The following CNTN1 variants were observed in gnomAD, a reference collection of about 807,000 sequenced individuals.
CNTN1 encodes the protein contactin-1.
In CNTN1, 38 loss-of-function variants were observed where a neutral mutation model predicts 126.4. The ratio of observed to expected loss-of-function variants is 0.30; its 90% confidence interval spans 0.23 to 0.39. The LOEUF is 0.39. Among genes scored for constraint, CNTN1 ranks in the 10% least tolerant of loss-of-function variants. The pLI is 1.00. For synonymous variants in CNTN1, 413 were observed against 422.6 expected (o/e 0.98, Z 0.28); for missense variants, 1,009 against 1,248.4 (o/e 0.81, Z 2.89).
At chr12:40,878,475 AC>A (rs1169905468) in intron 1 of CNTN1, among the ~76,000 whole-genome samples, 1 of 152,194 alleles carries the variant, frequency 6.6e-6, no homozygotes, top group Non-Finnish European at 1.5e-5. Flanking sequence ...CAAATGACTG[AC>A]ATGTTCAATT....
intron 1 of CNTN1, among the ~76,000 whole-genome samples, chr12:40,814,986 C>T (rs1419213863): frequency 2.0e-5 from 3 of 151,896 alleles, no homozygotes; most frequent in Admixed American, 6.6e-5. Flanking sequence ...CATGATTTGG[C>T]TCTCTGTTGG....
At chr12:40,864,023 T>G (rs1306329219) in intron 1 of CNTN1, among the ~76,000 whole-genome samples, 2 of 140,618 alleles carry the variant, frequency 1.4e-5, no homozygotes, top group Non-Finnish European at 3.1e-5. Flanking sequence ...GCTTTCCTTT[T>G]TTTTTTTTTT....
intron 1 of CNTN1, among the ~76,000 whole-genome samples, chr12:40,848,455 A>G (rs1942597299): frequency 6.6e-6 from 1 of 152,178 alleles, no homozygotes; most frequent in Non-Finnish European, 1.5e-5. Flanking sequence ...TTTTGGAAGT[A>G]TTAGTGTTTA....
At chr12:40,988,917 A>T (rs1243522132) in intron 16 of CNTN1, among the ~76,000 whole-genome samples, 1 of 152,210 alleles carries the variant, frequency 6.6e-6, no homozygotes, top group East Asian at 1.9e-4. Flanking sequence ...CTGACTCAGA[A>T]CTGACCCGGT....
chr12:40,995,581 A>G (rs984398304), intron 17 of CNTN1, among the ~76,000 whole-genome samples: 58 of 152,018 alleles, frequency 3.8e-4, no homozygotes, highest in African/African-American at 1.4e-3. Context: ...CACCTCTTAC[A>G]TTTTCTCAAA....
At chr12:40,732,373 A>G (rs1942522121) in intron 1 of CNTN1, among the ~76,000 whole-genome samples, 1 of 152,084 alleles carries the variant, frequency 6.6e-6, no homozygotes, top group Admixed American at 6.6e-5. Flanking sequence ...TTTGGAACAG[A>G]ACTGCAGCAT....
At chr12:40,762,854 T>C (rs1938918561) in intron 1 of CNTN1, among the ~76,000 whole-genome samples, 1 of 152,098 alleles carries the variant, frequency 6.6e-6, no homozygotes, top group Admixed American at 6.6e-5. Context: ...GTGAAATGGG[T>C]GCTCTGAAAT....
At chr12:40,822,310 A>G (rs928503678) in intron 1 of CNTN1, among the ~76,000 whole-genome samples, 3 of 151,796 alleles carry the variant, frequency 2.0e-5, no homozygotes, top group African/African-American at 7.3e-5. Flanking sequence ...GCCCGACACC[A>G]TGCCCGGCTA....
At chr12:40,899,750 C>A (rs1049557965) in intron 1 of CNTN1, among the ~76,000 whole-genome samples, 1 of 152,068 alleles carries the variant, frequency 6.6e-6, no homozygotes, top group African/African-American at 2.4e-5. Context: ...AATATTAAGA[C>A]TATTCTTCAA....
intron 10 of CNTN1, 74 bp downstream of exon 10, chr12:40,936,979 T>C: frequency 1.9e-6 from 3 of 1,590,906 alleles, no homozygotes; most frequent in East Asian, 4.5e-5. Flanking sequence ...CTGGGATAAA[T>C]TTAGCAGGAG....
chr12:40,946,954 T>G (rs1292359643), intron 14 of CNTN1, among the ~76,000 whole-genome samples: 3 of 151,992 alleles, frequency 2.0e-5, no homozygotes, highest in African/African-American at 7.2e-5. Context: ...AATGTCTTCT[T>G]TATATTTTTT....
At chr12:40,848,822 T>A (rs1292382483) in intron 1 of CNTN1, among the ~76,000 whole-genome samples, 3 of 105,852 alleles carry the variant, frequency 2.8e-5, no homozygotes, top group Non-Finnish European at 5.9e-5. Context: ...GGGCACCAGG[T>A]GTGTTTTTTT....
chr12:40,743,609 G>A (rs1328044717), intron 1 of CNTN1, among the ~76,000 whole-genome samples: 1 of 152,014 alleles, frequency 6.6e-6, no homozygotes, highest in Non-Finnish European at 1.5e-5. Context: ...CTTTTGAGAA[G>A]TGTTTGTTTA....
intron 1 of CNTN1, among the ~76,000 whole-genome samples, chr12:40,762,898 T>C (rs1434563909): frequency 6.6e-6 from 1 of 152,180 alleles, no homozygotes; most frequent in Non-Finnish European, 1.5e-5. Flanking sequence ...CCCCTCCAAA[T>C]CTCATGTTGA....
chr12:40,995,395 G>A (rs541243119), intron 17 of CNTN1, among the ~76,000 whole-genome samples: 3 of 151,954 alleles, frequency 2.0e-5, no homozygotes, highest in East Asian at 3.9e-4. Flanking sequence ...GCTCAGAGAG[G>A]CTACATTTTT....
chr12:40,732,565 C>G (rs1321861126), intron 1 of CNTN1, among the ~76,000 whole-genome samples: 1 of 151,986 alleles, frequency 6.6e-6, no homozygotes, highest in African/African-American at 2.4e-5. Context: ...GTTTTCTCCT[C>G]TAGTGCATAG....
intron 1 of CNTN1, among the ~76,000 whole-genome samples, chr12:40,795,520 A>T (rs1940395508): frequency 6.6e-6 from 1 of 151,740 alleles, no homozygotes; most frequent in African/African-American, 2.4e-5. Flanking sequence ...TAGAATATTT[A>T]AAATATATGT....
intron 15 of CNTN1, among the ~76,000 whole-genome samples, chr12:40,969,515 G>C (rs1203407308): frequency 6.6e-6 from 1 of 152,128 alleles, no homozygotes; most frequent in African/African-American, 2.4e-5. Context: ...TCTTTTCTCT[G>C]CCAGAGTGCT....
intron 1 of CNTN1, among the ~76,000 whole-genome samples, chr12:40,805,744 T>C (rs754111538): frequency 3.2e-4 from 48 of 152,188 alleles, no homozygotes; most frequent in Non-Finnish European, 5.3e-4. Context: ...ATTTGAATGC[T>C]AAACATTGTG....
Sources: gnomAD v4.1 joint callset for allele counts (sites outside exome capture counted in the v4.1 genomes callset) on GRCh38, gnomAD v4.1.1 for gene constraint, MANE v1.5 for transcripts, NCBI Gene and HGNC (gene_info 2026-07-23, HGNC 2026-07-21) for gene names.